ASAP1: variants seen among roughly 807,000 people sequenced by gnomAD.
ASAP1 encodes the protein ArfGAP with SH3 domain, ankyrin repeat and PH domain 1.
In ASAP1, 43 loss-of-function variants were observed where a neutral mutation model predicts 145.2. The ratio of observed to expected loss-of-function variants is 0.30; its 90% CI spans 0.23 to 0.38. The LOEUF (loss-of-function observed/expected upper bound fraction) is 0.38, where lower values mean the gene tolerates loss of function less well. Among genes scored for constraint, ASAP1 ranks in the 10% least tolerant of loss-of-function variants. The pLI, the probability that ASAP1 is intolerant of heterozygous loss-of-function variation, is 1.00. For synonymous variants in ASAP1, 546 were observed against 515.5 expected (o/e 1.06, Z -0.80); for missense variants, 1,018 against 1,355.3 (o/e 0.75, Z 3.91).
chr8:130,118,322 C>T (rs1001403780), intron 19 of ASAP1, 76 bp from the exon 20 acceptor site: 1 of 1,455,960 alleles, frequency 6.9e-7, no homozygotes, highest in African/African-American at 1.4e-5. Flanking sequence ...ATCAGTTGCC[C>T]CCAAGTAATT....
intron 4 of ASAP1, among the ~76,000 whole-genome samples, chr8:130,221,551 G>GTCTTGTCACT (rs1478888527): frequency 6.6e-6 from 1 of 151,974 alleles, no homozygotes; most frequent in East Asian, 1.9e-4. Flanking sequence ...CCTTTTCTCT[G>GTCTTGTCACT]TCTTGTCACT....
chr8:130,134,822 C>T (rs1361308571), intron 14 of ASAP1, among the ~76,000 whole-genome samples: 1 of 152,154 alleles, frequency 6.6e-6, no homozygotes, highest in African/African-American at 2.4e-5. Flanking sequence ...TCAATTGTTA[C>T]TGTGTTTTCT....
intron 3 of ASAP1, among the ~76,000 whole-genome samples, chr8:130,331,882 T>C (rs1004091685): frequency 6.6e-6 from 1 of 152,116 alleles, no homozygotes; most frequent in African/African-American, 2.4e-5. Flanking sequence ...ATGGGGAAAC[T>C]GAGGCCCAAA....
rs527725819 is a variant in ASAP1 at position 130,075,886 on chromosome 8, T to C, written c.2701+462A>G. 1.4e-4 allele frequency among the ~76,000 whole-genome samples: 21 copies of C among 152,290 alleles called. No individual in the cohort carries two copies. In the East Asian group the frequency reaches 3.5e-3, roughly 25 times the overall value. Reference sequence around the variant, plus strand: ...AGGGAAGGATTCCTTTGCCACCCACTTGCTGGGGACTTTCTGAAACATGAC... The same window carrying C: ...AGGGAAGGATTCCTTTGCCACCCACCTGCTGGGGACTTTCTGAAACATGAC... On this transcript the variant is annotated intron_variant, in intron 27 of 29. Transcript: ENST00000518721.
At chr8:130,196,256 C>T (rs905008020) in intron 5 of ASAP1, among the ~76,000 whole-genome samples, 8 of 151,926 alleles carry the variant, frequency 5.3e-5, no homozygotes, top group Admixed American at 3.3e-4. Context: ...GCAGGAGAAT[C>T]GCTTGAACCT....
chr8:130,384,075 G>C (rs1050774103), intron 2 of ASAP1, among the ~76,000 whole-genome samples: 1 of 152,146 alleles, frequency 6.6e-6, no homozygotes, highest in Non-Finnish European at 1.5e-5. Context: ...AGTCCTGTAG[G>C]ATTAAATGTG....
At chr8:130,353,120 T>C (rs1013596428) in intron 3 of ASAP1, among the ~76,000 whole-genome samples, 5 of 152,240 alleles carry the variant, frequency 3.3e-5, no homozygotes, top group Non-Finnish European at 5.9e-5. Flanking sequence ...CCCTCCCCTA[T>C]GAACTGCCCC....
At chr8:130,292,960 C>T (rs1451203228) in intron 3 of ASAP1, among the ~76,000 whole-genome samples, 1 of 152,200 alleles carries the variant, frequency 6.6e-6, no homozygotes. Flanking sequence ...GGCAATCATG[C>T]CACCTTTATT....
intron 3 of ASAP1, among the ~76,000 whole-genome samples, chr8:130,309,365 TGATG>T (rs1183402023): frequency 2.0e-5 from 3 of 151,508 alleles, no homozygotes; most frequent in African/African-American, 7.3e-5. Flanking sequence ...AACAGAGAGG[TGATG>T]GGTGGCAAGG....
chr8:130,434,122 C>T (rs377197989), intron 1 of ASAP1, among the ~76,000 whole-genome samples: 3 of 152,202 alleles, frequency 2.0e-5, no homozygotes, highest in South Asian at 4.1e-4. Context: ...TCGAGACCAA[C>T]TTGGGCAACA....
At chr8:130,348,321 C>G (rs938771937) in intron 3 of ASAP1, among the ~76,000 whole-genome samples, 1 of 152,210 alleles carries the variant, frequency 6.6e-6, no homozygotes, top group African/African-American at 2.4e-5. Context: ...TGCCAAAATG[C>G]AGTCGTCTTT....
intron 3 of ASAP1, among the ~76,000 whole-genome samples, chr8:130,250,560 C>T (rs1270951316): frequency 6.6e-6 from 1 of 151,970 alleles, no homozygotes; most frequent in Non-Finnish European, 1.5e-5. Flanking sequence ...GAGTTTAGAC[C>T]CAATTGTTTA....
chr8:130,060,075 CA>C (rs55875346), intron 28 of ASAP1, among the ~76,000 whole-genome samples: 2,148 of 95,076 alleles, frequency 0.023, 3 homozygotes, highest in South Asian at 0.04. Flanking sequence ...GAGCCCTTCT[CA>C]AAAAAAAAAA....
chr8:130,085,511 G>A (rs887718135), intron 25 of ASAP1, among the ~76,000 whole-genome samples: 6 of 152,116 alleles, frequency 3.9e-5, no homozygotes, highest in African/African-American at 1.2e-4. Flanking sequence ...AAGGCAGGAG[G>A]ATCACCTGAG....
At chr8:130,335,790 A>G (rs576571722) in intron 3 of ASAP1, among the ~76,000 whole-genome samples, 3 of 152,280 alleles carry the variant, frequency 2.0e-5, no homozygotes, top group African/African-American at 7.2e-5. Context: ...TCAGGAGAAA[A>G]TCCTGTGAAC....
At position 130,297,110 on chromosome 8, in the gene ASAP1, C is replaced by T. The variant is rs576947670; in HGVS notation, c.187-60116G>A. Among the ~76,000 whole-genome samples the T allele has an allele frequency of 1.4e-4, 21 of 152,212 alleles. No individual in the cohort carries two copies. The South Asian group carries it at 3.1e-3, about 23-fold the overall frequency. ...TTGGGAAACTGTAGTAAAAGGACAG[C>T]GAATAATAATCTAATTTAAGCATAG... On this transcript the variant is annotated intron_variant, in intron 3 of 29. Transcript: ENST00000518721.
At chr8:130,134,388 G>A in intron 14 of ASAP1, 44 bp from the exon 15 acceptor site, 3 of 1,339,746 alleles carry the variant, frequency 2.2e-6, no homozygotes, top group Non-Finnish European at 3.1e-6. Context: ...TTAGAAAGCA[G>A]GGTACTTTCA....
At chr8:130,209,683 T>C (rs763613308) in intron 5 of ASAP1, among the ~76,000 whole-genome samples, 4 of 152,214 alleles carry the variant, frequency 2.6e-5, no homozygotes, top group South Asian at 4.1e-4. Context: ...GAAGTATGCA[T>C]AAAGCCCTTT....
At chr8:130,296,633 C>T (rs1288505592) in intron 3 of ASAP1, among the ~76,000 whole-genome samples, 3 of 151,818 alleles carry the variant, frequency 2.0e-5, no homozygotes, top group African/African-American at 7.3e-5. Flanking sequence ...CCTTCAACCT[C>T]AGATCCTGCA....
Sources: allele counts gnomAD v4.1 joint callset (sites outside exome capture counted in the v4.1 genomes callset), GRCh38; gene constraint gnomAD v4.1.1; transcripts MANE v1.5; gene names NCBI Gene and HGNC (gene_info 2026-07-23, HGNC 2026-07-21).